Variants in MYO16 observed in about 807,000 individuals in gnomAD.
MYO16 encodes myosin XVI, also known as unconventional myosin-XVI.
In MYO16, 94 loss-of-function variants were observed where a neutral mutation model predicts 205.3. The ratio of observed to expected loss-of-function variants is 0.46; its 90% CI spans 0.39 to 0.54. The LOEUF is 0.54. Ranked by LOEUF, MYO16 falls within the 20% of genes least tolerant of loss-of-function variation. The probability of loss-of-function intolerance (pLI) is 0.00; values close to 1 mark genes in which losing one functional copy is unlikely to be tolerated. For synonymous variants in MYO16, 988 were observed against 954.0 expected, an observed-to-expected ratio of 1.04 and a Z score of -0.66; for missense variants, 2,315 against 2,387.5, an observed-to-expected ratio of 0.97 and a Z score of 0.63.
intron 1 of MYO16, among the ~76,000 whole-genome samples, chr13:108,617,175 T>C (rs1879377998): frequency 6.6e-6 from 1 of 152,136 alleles, no homozygotes; most frequent in African/African-American, 2.4e-5. Flanking sequence ...AGACTTAGTG[T>C]TTAGCAGAGA....
intron 1 of MYO16, among the ~76,000 whole-genome samples, chr13:108,612,102 G>A (rs977387): frequency 0.39 from 59,462 of 151,148 alleles, 13,148 homozygotes; most frequent in Non-Finnish European, 0.5. Flanking sequence ...TATTTGTAGA[G>A]ACTTGAATCG....
At chr13:108,831,191 T>C (rs753847204) in intron 9 of MYO16, among the ~76,000 whole-genome samples, 2 of 152,148 alleles carry the variant, frequency 1.3e-5, no homozygotes, top group African/African-American at 2.4e-5. Context: ...TAGATAAATG[T>C]AGGGGCCACA....
At chr13:109,165,964 G>T (rs1237676291) in intron 33 of MYO16, among the ~76,000 whole-genome samples, 1 of 152,080 alleles carries the variant, frequency 6.6e-6, no homozygotes, top group Non-Finnish European at 1.5e-5. Context: ...AGGCCTACAG[G>T]TACCTGGGAG....
intron 1 of MYO16, 122 bp from the exon 2 acceptor site, chr13:108,665,764 C>A: frequency 9.7e-7 from 1 of 1,035,706 alleles, no homozygotes; most frequent in Non-Finnish European, 1.3e-6. Flanking sequence ...ATATCAAGTG[C>A]AAGGAGAATT....
At chr13:109,022,421 C>A (rs1353388138) in intron 23 of MYO16, among the ~76,000 whole-genome samples, 3 of 105,994 alleles carry the variant, frequency 2.8e-5, no homozygotes, top group Non-Finnish European at 5.3e-5. Context: ...ATTGTATATA[C>A]AAATATAAAC....
At chr13:108,713,597 C>T (rs550010096) in intron 3 of MYO16, among the ~76,000 whole-genome samples, 6 of 152,288 alleles carry the variant, frequency 3.9e-5, no homozygotes, top group African/African-American at 1.4e-4. Context: ...TGTAGCTTGA[C>T]CGCTGGGAGT....
intron 4 of MYO16, among the ~76,000 whole-genome samples, chr13:108,733,207 A>G (rs1884580557): frequency 6.6e-6 from 1 of 152,172 alleles, no homozygotes; most frequent in African/African-American, 2.4e-5. Flanking sequence ...TTGAACCACA[A>G]ATGTGTTTTG....
intron 7 of MYO16, among the ~76,000 whole-genome samples, chr13:108,807,452 A>G (rs942789480): frequency 5.3e-5 from 8 of 152,226 alleles, no homozygotes; most frequent in Non-Finnish European, 1.2e-4. Context: ...CCTCCTGTAA[A>G]AAAAGATCTA....
At chr13:108,854,463 C>G (rs984501063) in intron 10 of MYO16, among the ~76,000 whole-genome samples, 1 of 152,008 alleles carries the variant, frequency 6.6e-6, no homozygotes, top group Admixed American at 6.6e-5. Flanking sequence ...ACTACATAGA[C>G]ATGATAAGCA....
At chr13:108,663,977 G>T (rs1396899770) in intron 1 of MYO16, among the ~76,000 whole-genome samples, 2 of 152,152 alleles carry the variant, frequency 1.3e-5, no homozygotes, top group Non-Finnish European at 2.9e-5. Context: ...AGACAGTTAT[G>T]GTTCTTTATT....
At chr13:109,049,620 T>C (rs1341305359) in intron 24 of MYO16, among the ~76,000 whole-genome samples, 1 of 152,166 alleles carries the variant, frequency 6.6e-6, no homozygotes. Flanking sequence ...CAGTAATGTT[T>C]TCAGTTTTAT....
At chr13:108,505,239 T>C in the MYO16 span, among the ~76,000 whole-genome samples, 2 of 152,200 alleles carry the variant, frequency 1.3e-5, no homozygotes, top group African/African-American at 4.8e-5. Flanking sequence ...CCTAAACTGT[T>C]TTCCATAGTG....
intron 32 of MYO16, among the ~76,000 whole-genome samples, chr13:109,155,163 T>G (rs1877936340): frequency 6.6e-6 from 1 of 152,220 alleles, no homozygotes; most frequent in South Asian, 2.1e-4. Flanking sequence ...CATATGTTGT[T>G]GAAGACATCG....
chr13:108,822,034 T>C (rs1371779604), intron 8 of MYO16, among the ~76,000 whole-genome samples: 1 of 152,032 alleles, frequency 6.6e-6, no homozygotes, highest in Non-Finnish European at 1.5e-5. Context: ...AGCAAGAAGA[T>C]AAAACTAGAT....
the MYO16 span, among the ~76,000 whole-genome samples, chr13:108,570,038 T>C: frequency 3.9e-5 from 6 of 152,150 alleles, no homozygotes; most frequent in Non-Finnish European, 8.8e-5. Flanking sequence ...TATCCTTGTA[T>C]TTTATTGAAG....
intron 20 of MYO16, among the ~76,000 whole-genome samples, chr13:108,981,648 G>C (rs979634980): frequency 6.6e-6 from 1 of 152,226 alleles, no homozygotes; most frequent in African/African-American, 2.4e-5. Flanking sequence ...GGCCAATTGC[G>C]GGGCCGCTGG....
At chr13:109,083,329 C>A (rs1365543778) in intron 27 of MYO16, among the ~76,000 whole-genome samples, 1 of 125,576 alleles carries the variant, frequency 8.0e-6, no homozygotes, top group African/African-American at 3.0e-5. Flanking sequence ...TTTGCAGTAG[C>A]CTGAGATTGC....
At chr13:108,745,528 A>G (rs1351234628) in intron 4 of MYO16, among the ~76,000 whole-genome samples, 1 of 152,216 alleles carries the variant, frequency 6.6e-6, no homozygotes, top group South Asian at 2.1e-4. Flanking sequence ...TCTGGCTTCT[A>G]GAGTTACAGC....
intron 20 of MYO16, among the ~76,000 whole-genome samples, chr13:108,985,116 A>G (rs1457275308): frequency 6.6e-6 from 1 of 152,214 alleles, no homozygotes; most frequent in Non-Finnish European, 1.5e-5. Context: ...TTTTAAAAGA[A>G]TGTAGATATA....
Sources: gnomAD v4.1 joint callset for allele counts (sites outside exome capture counted in the v4.1 genomes callset) on GRCh38, gnomAD v4.1.1 for gene constraint, MANE v1.5 for transcripts, NCBI Gene and HGNC (gene_info 2026-07-23, HGNC 2026-07-21) for gene names.